ZNF267: variants seen among roughly 807,000 people sequenced by gnomAD.
ZNF267 encodes the protein zinc finger protein 267.
A neutral mutation model predicts 71.6 loss-of-function variants in ZNF267; 61 were observed. The ratio of observed to expected loss-of-function variants is 0.85; its 90% CI spans 0.69 to 1.05. The LOEUF (loss-of-function observed/expected upper bound fraction) is 1.05, where lower values mean the gene tolerates loss of function less well. Ranked by LOEUF, ZNF267 falls within the 50% of genes least tolerant of loss-of-function variation. The pLI, the probability that ZNF267 is intolerant of heterozygous loss-of-function variation, is 0.00. For synonymous variants in ZNF267, 288 were observed against 293.2 expected, an observed-to-expected ratio of 0.98 and a Z score of 0.18; for missense variants, 852 against 870.0, an observed-to-expected ratio of 0.98 and a Z score of 0.26.
rs566429684 is a variant in ZNF267 at position 31,903,248 on chromosome 16, C to G, written c.227-11228C>G. On this transcript the variant is annotated intron_variant, in intron 3 of 3. Transcript: ENST00000300870. ...ATCAAGGATATTGGTCTAAAATTCT[C>G]TTTTTTTGTTGTGTGTCTGCCAGGC... is the stretch of plus-strand genomic sequence containing the variant. Among the ~76,000 whole-genome samples, 164 of 152,220 alleles carry G rather than the reference C, an allele frequency of 1.1e-3. 1 individual carries two copies. The highest frequency in any genetic ancestry group is 1.4e-3 in the Non-Finnish European group (95 of 68,018).
chr16:31,881,479 T>C (rs2083889508), intron 1 of ZNF267, among the ~76,000 whole-genome samples: 1 of 152,138 alleles, frequency 6.6e-6, no homozygotes, highest in Non-Finnish European at 1.5e-5. Flanking sequence ...AGCAGGTAAA[T>C]GGGAGCACAG....
chr16:31,877,130 T>TG (rs1555510960), intron 1 of ZNF267, among the ~76,000 whole-genome samples: 12 of 151,708 alleles, frequency 7.9e-5, no homozygotes, highest in Non-Finnish European at 1.5e-4. Context: ...ATTTTAACAC[T>TG]CCCCCCACCC....
rs973318036 is a variant in ZNF267, at chr16:31,917,206, A to G, written c.*725A>G. 5 of 152,110 alleles carry G rather than the reference A, an allele frequency of 3.3e-5. No individual in the cohort carries two copies. Among genetic ancestry groups the G allele is most frequent in the African/African-American group, 1.2e-4 (5 of 41,416 alleles). 9.4% of individuals were successfully genotyped at this position (152,110 alleles called of 1,614,324 possible). A position where few individuals can be genotyped will look rare whatever the true frequency, so the allele number is the denominator to read the frequency against. On this transcript the variant is annotated 3_prime_UTR_variant, in exon 4 of 4. Transcript: ENST00000300870. ...GTCATTCTACGTTAATATCATTAAT[A>G]TCAGCATTTTTCATGGAAGTTTAAT... is the stretch of plus-strand genomic sequence containing the variant.
intron 3 of ZNF267, among the ~76,000 whole-genome samples, chr16:31,901,736 C>T (rs1260821500): frequency 3.3e-5 from 5 of 152,200 alleles, no homozygotes; most frequent in Non-Finnish European, 5.9e-5. Flanking sequence ...TTCTCCCATT[C>T]TGTAGGTTGC....
In ZNF267 at chr16:31,908,481, A is replaced by C. The variant is rs187215293; in HGVS notation, c.227-5995A>C. Among the ~76,000 whole-genome samples, 362 of 152,282 alleles carry C rather than the reference A, an allele frequency of 2.4e-3. 1 individual carries two copies. Among genetic ancestry groups the C allele is most frequent in the Middle Eastern group, 0.017 (5 of 294 alleles). On this transcript the variant is annotated intron_variant, in intron 3 of 3. Coordinates refer to ENST00000300870, the MANE Select transcript of ZNF267 (RefSeq NM_003414.6). ...TACTTAAGAAATTTTTACACCAACC[A>C]TTGTCCTGGAGAGTTTCCCCAATGT...
rs2084158578 is a variant in ZNF267, at chr16:31,914,567, T to C, written c.318T>C (p.Cys106=). ...TGATATCGAGGAGACATGGGAGCTG[T>C]GATCTTGAGAATTTACATTTAAGAA... ...QKVISRRHGS[C]DLENLHLRKR... is the part of the protein sequence containing the mutation. Residue 106 remains cysteine, a synonymous_variant, in exon 4 of 4, where the codon TGT becomes TGC. Coordinates refer to ENST00000300870, the MANE Select transcript of ZNF267 (RefSeq NM_003414.6). 1.1e-5 allele frequency: 17 copies of C among 1,613,998 alleles called. No homozygotes were observed. Among genetic ancestry groups the C allele is most frequent in the Non-Finnish European group, 1.4e-5 (16 of 1,180,028 alleles).
chr16:31,911,467 T>G (rs2084134807), intron 3 of ZNF267, among the ~76,000 whole-genome samples: 1 of 151,754 alleles, frequency 6.6e-6, no homozygotes, highest in Non-Finnish European at 1.5e-5. Flanking sequence ...TTATCTGATG[T>G]AAGTATAGCT....
chr16:31,874,133 T>C, intron 1 of ZNF267, 164 bp downstream of exon 1: 1 of 733,736 alleles, frequency 1.4e-6, no homozygotes, highest in Non-Finnish European at 2.2e-6. Flanking sequence ...CGCTGCAAGA[T>C]GGCGGCCAGG....
chr16:31,885,818 T>A (rs149956941), intron 3 of ZNF267, among the ~76,000 whole-genome samples: 4 of 152,228 alleles, frequency 2.6e-5, no homozygotes, highest in African/African-American at 9.6e-5. Flanking sequence ...GAAAATCTAA[T>A]CTTATGTTTC....
At chr16:31,904,597 T>G (rs963353607) in intron 3 of ZNF267, among the ~76,000 whole-genome samples, 4 of 152,230 alleles carry the variant, frequency 2.6e-5, no homozygotes, top group African/African-American at 9.6e-5. Flanking sequence ...TATCAGAGAC[T>G]AGGATTGCAA....
At chr16:31,909,014 G>C (rs1177353084) in intron 3 of ZNF267, among the ~76,000 whole-genome samples, 4 of 151,094 alleles carry the variant, frequency 2.6e-5, no homozygotes, top group East Asian at 1.9e-4. Flanking sequence ...GAGTAGTATG[G>C]ATATTTTAAC....
Position 31,914,915 on chromosome 16 carries a change from A to G in ZNF267, c.666A>G (p.Glu222=), listed in dbSNP as rs1264372486. The change falls in exon 4 of 4, where the codon GAA becomes GAG. Residue 222 remains glutamate (E), a synonymous_variant. Coordinates refer to ENST00000300870, the MANE Select transcript of ZNF267 (RefSeq NM_003414.6). Reference sequence around the variant, plus strand: ...AAAATTATCATTGCAATAATTCTGAAAAAACCTTGAACCAAAGCTCAAGCC... The same window carrying G: ...AAAATTATCATTGCAATAATTCTGAGAAAACCTTGAACCAAAGCTCAAGCC... The part of the protein sequence containing the change: ...GEKNYHCNNS[E]KTLNQSSSPK... 1 of 1,612,236 alleles carries G rather than the reference A, an allele frequency of 6.2e-7. No individual in the cohort carries two copies. The highest frequency in any genetic ancestry group is 1.3e-5 in the African/African-American group (1 of 74,836).
Position 31,916,380 on chromosome 16 carries a change from A to C in ZNF267, c.2131A>C (p.Ser711Arg). The change falls in exon 4 of 4, where the codon AGT becomes CGT. Residue 711 changes from serine (S) to arginine (R), a missense_variant. Ser to Arg is a moderately radical substitution (Grantham distance 110). Transcript: ENST00000300870. ...CCTCACTACACATCGGAGAAGTCATAGTGGAGAGAGACCCTACAAATGTGA... is the reference window on the plus strand; with the variant it reads ...CCTCACTACACATCGGAGAAGTCATCGTGGAGAGAGACCCTACAAATGTGA... ...SYLTTHRRSH[S>R]GERPYKCEEC... 1 of 1,614,084 alleles carries C rather than the reference A, an allele frequency of 6.2e-7. No homozygotes were observed.
intron 3 of ZNF267, among the ~76,000 whole-genome samples, chr16:31,903,521 T>G (rs982665774): frequency 6.6e-6 from 1 of 152,112 alleles, no homozygotes. Context: ...CTTGGGAGAG[T>G]GTATGTGTTG....
At chr16:31,887,467 C>T (rs1296058147) in intron 3 of ZNF267, among the ~76,000 whole-genome samples, 1 of 151,894 alleles carries the variant, frequency 6.6e-6, no homozygotes, top group Non-Finnish European at 1.5e-5. Context: ...AAAATTATTG[C>T]CAAGGCCAGT....
intron 3 of ZNF267, among the ~76,000 whole-genome samples, chr16:31,891,935 TCAG>T (rs2083963116): frequency 6.6e-6 from 1 of 152,178 alleles, no homozygotes. Context: ...TTTGGAGGGC[TCAG>T]AAGAAGACAG....
chr16:31,909,164 T>TCG (rs980570025), intron 3 of ZNF267, among the ~76,000 whole-genome samples: 7 of 134,548 alleles, frequency 5.2e-5, no homozygotes, highest in African/African-American at 1.9e-4. Context: ...CTCCCTCTTG[T>TCG]CGCCCAGGCT....
At chr16:31,877,516 G>C (rs535450482) in intron 1 of ZNF267, among the ~76,000 whole-genome samples, 4 of 152,296 alleles carry the variant, frequency 2.6e-5, no homozygotes, top group Middle Eastern at 6.8e-3. Flanking sequence ...CTGTTCTTAG[G>C]AGGGGCTTAG....
chr16:31,884,543 G>A lies in ZNF267; in HGVS notation c.49G>A (p.Glu17Lys). ...TGTGGCCGTAGAATTCTCTTTGGAG[G>A]AGTGGGAACACCTGGAACCAGCTCA... is the stretch of plus-strand genomic sequence containing the variant. ...RDVAVEFSLE[E>K]WEHLEPAQKN... Residue 17 changes from glutamate (E) to lysine (K), a missense_variant, in exon 2 of 4, where the codon GAG becomes AAG. Physicochemically the swap from Glu to Lys is moderately conservative, Grantham distance 56 (BLOSUM62 1). Transcript: ENST00000300870. 1 of 1,614,120 alleles carries A rather than the reference G, an allele frequency of 6.2e-7. No individual in the cohort carries two copies. Among genetic ancestry groups the A allele is most frequent in the Non-Finnish European group, 8.5e-7 (1 of 1,180,006 alleles).
Sources: allele counts gnomAD v4.1 joint callset (sites outside exome capture counted in the v4.1 genomes callset), GRCh38; gene constraint gnomAD v4.1.1; transcripts MANE v1.5; gene names NCBI Gene and HGNC (gene_info 2026-07-23, HGNC 2026-07-21).